Variants in RND1 observed in about 807,000 individuals in gnomAD.
The protein encoded by RND1 is rho-related GTP-binding protein Rho6.
Under a neutral mutation model 27.1 loss-of-function variants are expected in RND1, and 9 were observed. That is an observed-to-expected ratio of 0.33 (90% CI 0.20 to 0.58). The LOEUF is 0.58. Ranked by LOEUF, RND1 falls within the 20% of genes least tolerant of loss-of-function variation. The pLI is 0.86. For missense variants in RND1, 253 were observed against 292.2 expected, an observed-to-expected ratio of 0.87 and a Z score of 0.98; for synonymous variants, 108 against 115.7, an observed-to-expected ratio of 0.93 and a Z score of 0.43.
Position 48,857,250 on chromosome 12 carries a change from AAG to A in RND1, c.*744_*745del, listed in dbSNP as rs1217602737. The A allele has an allele frequency of 7.0e-6, 1 of 142,836 alleles. No individual in the cohort carries two copies. The highest frequency in any genetic ancestry group is 1.5e-5 in the Non-Finnish European group (1 of 65,390). The allele number at this position is 142,836 out of a possible 1,614,324, so 8.8% of individuals were successfully genotyped here. On this transcript the variant is annotated 3_prime_UTR_variant, in exon 5 of 5. Transcript: ENST00000309739. ...CCCCCCTCCCCCCAATTCCAAAGAC[AAG>A]AGTCTATAAAACAAATGCCAGCTGT...
At chr12:48,863,758 G>A (rs551354147) in intron 2 of RND1, among the ~76,000 whole-genome samples, 4 of 152,262 alleles carry the variant, frequency 2.6e-5, no homozygotes, top group African/African-American at 9.6e-5. Flanking sequence ...GCTGTTGAAG[G>A]AGCAGGACAG....
chr12:48,862,934 C>T (rs1938935037), intron 2 of RND1, among the ~76,000 whole-genome samples: 1 of 151,934 alleles, frequency 6.6e-6, no homozygotes, highest in South Asian at 2.1e-4. Flanking sequence ...TCTCCCTGCA[C>T]CACAATCGCC....
At position 48,857,993 on chromosome 12, in the gene RND1, A is replaced by T. The variant is rs1324389552; in HGVS notation, c.*3T>A. ...GGGTTGTCTCCCCCCTCCAATTTCCACTTCACATAATGGAACAGCTTTTGG... is the reference window on the plus strand; with the variant it reads ...GGGTTGTCTCCCCCCTCCAATTTCCTCTTCACATAATGGAACAGCTTTTGG... On this transcript the variant is annotated 3_prime_UTR_variant, in exon 5 of 5. Coordinates refer to ENST00000309739, the MANE Select transcript of RND1 (RefSeq NM_014470.4). 6.9e-6 allele frequency: 11 copies of T among 1,586,748 alleles called. No individual in the cohort carries two copies. The highest frequency in any genetic ancestry group is 3.5e-5 in the Admixed American group (2 of 56,408).
At chr12:48,864,408 TGTGTGTGTGCGCGCGCGCGC>T (rs1452778608) in intron 2 of RND1, among the ~76,000 whole-genome samples, 20 of 121,384 alleles carry the variant, frequency 1.6e-4, no homozygotes, top group Middle Eastern at 7.7e-3. Context: ...TGTGTGTGTG[TGTGTGTGTGCGCGCGCGCGC>T]GTGTGTGTGC....
intron 1 of RND1, chr12:48,865,426 G>A (rs1374292272): frequency 3.5e-6 from 2 of 579,152 alleles, no homozygotes; most frequent in Non-Finnish European, 6.3e-6. Context: ...TGGGTGAAGA[G>A]GTGAGGAGGA....
At chr12:48,864,902 C>G in intron 1 of RND1, 32 bp from the exon 2 acceptor site, 1 of 1,494,078 alleles carries the variant, frequency 6.7e-7, no homozygotes, top group Non-Finnish European at 9.3e-7. Context: ...TCACCCCATG[C>G]ACCCCTACCC....
Position 48,858,056 on chromosome 12 carries a change from G to C in RND1, c.639C>G (p.Arg213=), listed in dbSNP as rs1022777466. The C allele has an allele frequency of 6.2e-7, 1 of 1,614,038 alleles. No individual in the cohort carries two copies. Among genetic ancestry groups the C allele is most frequent in the African/African-American group, 1.3e-5 (1 of 74,938 alleles). ...TGAAGGTAGAAGAGATGAGTTCAGA[G>C]CGACTGGGGAGGTGGAGCAGTCGTT... is the stretch of plus-strand genomic sequence containing the variant. ...LSKRLLHLPS[R]SELISSTFKK... Residue 213 remains arginine, a synonymous_variant, in exon 5 of 5, where the codon CGC becomes CGG. Transcript: ENST00000309739.
intron 2 of RND1, among the ~76,000 whole-genome samples, chr12:48,864,007 G>A (rs1001925717): frequency 2.6e-5 from 4 of 152,090 alleles, no homozygotes; most frequent in African/African-American, 9.7e-5. Flanking sequence ...GGGCTGAGAG[G>A]CTGGAAAAAC....
chr12:48,861,909 C>G, intron 3 of RND1, 100 bp downstream of exon 3: 1 of 751,382 alleles, frequency 1.3e-6, no homozygotes, highest in South Asian at 1.5e-5. Flanking sequence ...TCCCTGGCTT[C>G]CATTTCTTGA....
At chr12:48,858,933 G>A (rs1367828674) in intron 4 of RND1, 2 of 147,462 alleles carry the variant, frequency 1.4e-5, no homozygotes, top group East Asian at 2.0e-4. Context: ...TAGAGCCAAG[G>A]CATTAGTATT....
intron 4 of RND1, chr12:48,859,088 A>G (rs1938883071): frequency 1.3e-5 from 2 of 150,336 alleles, no homozygotes; most frequent in Non-Finnish European, 3.0e-5. Flanking sequence ...CCTCCCGAGT[A>G]GCTGGGACTA....
chr12:48,862,114 A>G lies in RND1; in HGVS notation c.213T>C (p.Ser71=). The stretch of plus-strand genomic sequence containing the variant: ...GTGGACGGACATTATCGTAGTAGGG[A>G]GATCCTGGTGTAGGCCAGAAAGAGC... ...VELSLWDTSG[S]PYYDNVRPLC... Residue 71 remains serine (S), a synonymous_variant, in exon 3 of 5, where the codon TCT becomes TCC. Coordinates refer to ENST00000309739, the MANE Select transcript of RND1 (RefSeq NM_014470.4). 6.3e-7 allele frequency: 1 copy of G among 1,599,506 alleles called. No homozygotes were observed. Among genetic ancestry groups the G allele is most frequent in the Non-Finnish European group, 8.6e-7 (1 of 1,167,118 alleles).
Position 48,858,206 on chromosome 12 carries a change from G to A in RND1, c.489C>T (p.Ile163=), listed in dbSNP as rs1207991866. The change falls in exon 5 of 5, where the codon ATC becomes ATT. Residue 163 remains isoleucine (I), a synonymous_variant. Coordinates refer to ENST00000309739, the MANE Select transcript of RND1 (RefSeq NM_014470.4). ...CAIAKQLGAE[I]YLEGSAFTSE... ...AGGTGAAAGCTGAGCCTTCCAGGTA[G>A]ATTTCTGCACCCAGCTGCTTTGCTA... 6.2e-7 allele frequency: 1 copy of A among 1,614,092 alleles called. No individual in the cohort carries two copies. The highest frequency in any genetic ancestry group is 1.7e-5 in the Admixed American group (1 of 59,994).
chr12:48,859,433 A>T (rs1938888954), intron 4 of RND1, among the ~76,000 whole-genome samples: 1 of 151,888 alleles, frequency 6.6e-6, no homozygotes, highest in Non-Finnish European at 1.5e-5. Context: ...CCAGCTACGC[A>T]GGAGGCTGAG....
chr12:48,861,476 C>T (rs1390729504), intron 3 of RND1, among the ~76,000 whole-genome samples: 1 of 152,166 alleles, frequency 6.6e-6, no homozygotes, highest in Non-Finnish European at 1.5e-5. Flanking sequence ...TCCAGAATGC[C>T]AGGGGGAAGC....
intron 2 of RND1, among the ~76,000 whole-genome samples, chr12:48,864,428 C>CGCGCGCGCGCGCGT (rs776739044): frequency 6.8e-6 from 1 of 147,466 alleles, no homozygotes; most frequent in African/African-American, 2.6e-5. Flanking sequence ...CGCGCGCGCG[C>CGCGCGCGCGCGCGT]GTGTGTGTGC....
At chr12:48,859,803 T>C (rs1592209810) in intron 4 of RND1, among the ~76,000 whole-genome samples, 1 of 152,136 alleles carries the variant, frequency 6.6e-6, no homozygotes, top group African/African-American at 2.4e-5. Context: ...GGAGGATCAC[T>C]TGAGTCCGGG....
intron 4 of RND1, chr12:48,859,021 C>T (rs1404525401): frequency 2.0e-5 from 3 of 147,586 alleles, no homozygotes; most frequent in East Asian, 2.0e-4. Flanking sequence ...TGCAGTGGCG[C>T]GATCTCGGCT....
intron 2 of RND1, among the ~76,000 whole-genome samples, chr12:48,864,416 T>TGTGTGCGCGCGCGC (rs141121524): frequency 1.4e-4 from 19 of 135,460 alleles, no homozygotes; most frequent in African/African-American, 4.6e-4. Context: ...TGTGTGTGTG[T>TGTGTGCGCGCGCGC]GCGCGCGCGC....
Sources: allele counts gnomAD v4.1 joint callset (sites outside exome capture counted in the v4.1 genomes callset), GRCh38; gene constraint gnomAD v4.1.1; transcripts MANE v1.5; gene names NCBI Gene and HGNC (gene_info 2026-07-23, HGNC 2026-07-21).